SEPTIN2: variants seen among roughly 807,000 people sequenced by gnomAD.
SEPTIN2 encodes the protein septin-2.
Under a neutral mutation model 46.5 loss-of-function variants are expected in SEPTIN2, and 34 were observed. The observed-to-expected ratio is 0.73, with a 90% confidence interval of 0.56 to 0.97. The LOEUF (loss-of-function observed/expected upper bound fraction) is 0.97, where lower values mean the gene tolerates loss of function less well. Ranked by LOEUF, SEPTIN2 falls within the 50% of genes least tolerant of loss-of-function variation. The pLI is 0.00. For missense variants in SEPTIN2, 347 were observed against 448.4 expected, an observed-to-expected ratio of 0.77 and a Z score of 2.04; for synonymous variants, 175 against 153.4, an observed-to-expected ratio of 1.14 and a Z score of -1.04.
intron 3 of SEPTIN2, among the ~76,000 whole-genome samples, chr2:241,331,455 G>GT (rs2078995197): frequency 6.6e-6 from 1 of 152,138 alleles, no homozygotes; most frequent in South Asian, 2.1e-4. Context: ...AGAGTGCAAT[G>GT]GTATGATTTT....
At chr2:241,316,674 A>G in intron 1 of SEPTIN2, 1 of 615,490 alleles carries the variant, frequency 1.6e-6, no homozygotes, top group Non-Finnish European at 2.6e-6. Flanking sequence ...GACCTGGCCT[A>G]CTGGCCCAGA....
Position 241,326,102 on chromosome 2 carries a change from T to G in SEPTIN2, c.119T>G (p.Leu40Arg). The G allele has an allele frequency of 6.2e-7, 1 of 1,612,362 alleles. No homozygotes were observed. The highest frequency in any genetic ancestry group is 1.3e-5 in the African/African-American group (1 of 74,980). Residue 40 changes from leucine (L) to arginine (R), a missense_variant, in exon 3 of 13, where the codon CTG (leucine) becomes CGG (arginine). Coordinates refer to ENST00000391971, the MANE Select transcript of SEPTIN2 (RefSeq NM_004404.5). ...KSVKKGFEFT[L>R]MVVGESGLGK... is the part of the protein sequence containing the mutation. ...GTGAAAAAAGGTTTTGAGTTCACAC[T>G]GATGGTGGTCGGTAAGAAATTAATC...
At chr2:241,346,321 C>G in intron 10 of SEPTIN2, 72 bp downstream of exon 10, 1 of 1,185,368 alleles carries the variant, frequency 8.4e-7, no homozygotes, top group Non-Finnish European at 1.2e-6. Flanking sequence ...TCTATGTGTT[C>G]AGCTCAGCCT....
chr2:241,338,346 A>G (rs2080379963), intron 7 of SEPTIN2, among the ~76,000 whole-genome samples: 1 of 151,968 alleles, frequency 6.6e-6, no homozygotes, highest in African/African-American at 2.4e-5. Flanking sequence ...TTCTGATTAT[A>G]TGCTCCTTAA....
At chr2:241,342,329 A>G (rs1156407484) in intron 7 of SEPTIN2, among the ~76,000 whole-genome samples, 1 of 146,902 alleles carries the variant, frequency 6.8e-6, no homozygotes, top group Admixed American at 6.8e-5. Context: ...GGGTCTTCTC[A>G]TGCCTGTAGC....
intron 3 of SEPTIN2, among the ~76,000 whole-genome samples, chr2:241,330,776 A>G (rs1339166001): frequency 6.6e-6 from 1 of 152,270 alleles, no homozygotes; most frequent in African/African-American, 2.4e-5. Flanking sequence ...TTAGGAATAC[A>G]TGATGCAACA....
intron 2 of SEPTIN2, chr2:241,325,026 A>T (rs2077714813): frequency 6.6e-6 from 1 of 151,652 alleles, no homozygotes; most frequent in Admixed American, 6.6e-5. Context: ...CAAAATCATC[A>T]TACCAGTTTT....
intron 1 of SEPTIN2, among the ~76,000 whole-genome samples, chr2:241,323,289 G>A (rs2077422240): frequency 6.6e-6 from 1 of 151,962 alleles, no homozygotes; most frequent in South Asian, 2.1e-4. Context: ...TCCTGTCTCA[G>A]CCTTCTGAGT....
At chr2:241,338,947 A>G (rs1459801762) in intron 7 of SEPTIN2, among the ~76,000 whole-genome samples, 1 of 80,136 alleles carries the variant, frequency 1.2e-5, no homozygotes, top group African/African-American at 4.6e-5. Flanking sequence ...TATATATATT[A>G]TATATATAAT....
At chr2:241,321,462 C>T (rs1379750718) in intron 1 of SEPTIN2, among the ~76,000 whole-genome samples, 1 of 152,066 alleles carries the variant, frequency 6.6e-6, no homozygotes, top group African/African-American at 2.4e-5. Context: ...GTTGTCTCTC[C>T]TCCATGTTTG....
chr2:241,345,045 G>A (rs2081818319), intron 9 of SEPTIN2, among the ~76,000 whole-genome samples: 1 of 150,392 alleles, frequency 6.6e-6, no homozygotes, highest in Non-Finnish European at 1.5e-5. Flanking sequence ...ACCTGGAGGT[G>A]GAGGTTGCAG....
chr2:241,348,975 C>T (rs879257042), intron 11 of SEPTIN2, among the ~76,000 whole-genome samples: 3 of 152,102 alleles, frequency 2.0e-5, no homozygotes, highest in Non-Finnish European at 4.4e-5. Flanking sequence ...ACAAAGTCAC[C>T]TGAAGAAAAT....
intron 1 of SEPTIN2, among the ~76,000 whole-genome samples, chr2:241,319,272 A>T (rs1393990285): frequency 6.6e-6 from 1 of 152,238 alleles, no homozygotes; most frequent in Non-Finnish European, 1.5e-5. Flanking sequence ...TGTGTAGTGG[A>T]ATATAAATGA....
chr2:241,335,560 TCTA>T (rs2079812206), intron 4 of SEPTIN2: 3 of 615,740 alleles, frequency 4.9e-6, no homozygotes, highest in Non-Finnish European at 8.6e-6. Context: ...TTCGAATTCA[TCTA>T]CTGTCAGAAA....
intron 10 of SEPTIN2, among the ~76,000 whole-genome samples, chr2:241,347,270 AATTC>A (rs1469815887): frequency 6.6e-6 from 1 of 152,208 alleles, no homozygotes; most frequent in Admixed American, 6.5e-5. Flanking sequence ...CCTGTGTTGT[AATTC>A]ATTAAAATTC....
intron 1 of SEPTIN2, among the ~76,000 whole-genome samples, chr2:241,319,123 C>T (rs2076780428): frequency 6.6e-6 from 1 of 152,148 alleles, no homozygotes; most frequent in African/African-American, 2.4e-5. Flanking sequence ...ATTGCAATAT[C>T]TGGATCTTAC....
intron 5 of SEPTIN2, chr2:241,336,691 T>C (rs1046292882): frequency 3.5e-5 from 6 of 171,138 alleles, no homozygotes; most frequent in Admixed American, 2.6e-4. Flanking sequence ...TGCTGTACTG[T>C]TTCCCAGCTC....
intron 1 of SEPTIN2, among the ~76,000 whole-genome samples, chr2:241,323,117 C>T (rs2077392616): frequency 6.6e-6 from 1 of 151,388 alleles, no homozygotes; most frequent in Admixed American, 6.6e-5. Context: ...AGTCCTGCCT[C>T]TGCTTCCCAA....
Position 241,352,680 on chromosome 2 carries a change from G to A in SEPTIN2, c.*743G>A, listed in dbSNP as rs2060873693. The A allele has an allele frequency of 6.6e-6, 1 of 152,148 alleles. No individual in the cohort carries two copies. The highest frequency in any genetic ancestry group is 2.4e-5 in the African/African-American group (1 of 41,438). 9.4% of individuals were successfully genotyped at this position (152,148 alleles called of 1,614,324 possible). A position where few individuals can be genotyped will look rare whatever the true frequency, so the allele number is the denominator to read the frequency against. On this transcript the variant is annotated 3_prime_UTR_variant, in exon 13 of 13. Coordinates refer to ENST00000391971, the MANE Select transcript of SEPTIN2 (RefSeq NM_004404.5). Reference sequence around the variant, plus strand: ...AACTCACCACAAGCCACCTTTTGTAGTGTTCTCCACTAATACTGGTTATCC... The same window carrying A: ...AACTCACCACAAGCCACCTTTTGTAATGTTCTCCACTAATACTGGTTATCC...
Sources: allele counts gnomAD v4.1 joint callset (sites outside exome capture counted in the v4.1 genomes callset), GRCh38; gene constraint gnomAD v4.1.1; transcripts MANE v1.5; gene names NCBI Gene and HGNC (gene_info 2026-07-23, HGNC 2026-07-21).